Variants in TFAP2D observed in about 807,000 individuals in gnomAD.
TFAP2D encodes the protein transcription factor AP-2-delta.
A neutral mutation model predicts 43.6 loss-of-function variants in TFAP2D; 9 were observed. The ratio of observed to expected loss-of-function variants is 0.21; its 90% confidence interval spans 0.12 to 0.36. The LOEUF is 0.36. Ranked by LOEUF, TFAP2D falls within the 10% of genes least tolerant of loss-of-function variation. The probability of loss-of-function intolerance (pLI) is 1.00; values close to 1 mark genes in which losing one functional copy is unlikely to be tolerated. For synonymous variants in TFAP2D, 256 were observed against 224.9 expected, an observed-to-expected ratio of 1.14 and a Z score of -1.24; for missense variants, 513 against 561.4, an observed-to-expected ratio of 0.91 and a Z score of 0.87.
chr6:50,739,748 A>G (rs1769011218), intron 5 of TFAP2D, among the ~76,000 whole-genome samples: 1 of 152,188 alleles, frequency 6.6e-6, no homozygotes, highest in South Asian at 2.1e-4. Flanking sequence ...GTCATAATTA[A>G]CATACTGTTA....
rs762146507 is a variant in TFAP2D at position 50,715,217 on chromosome 6, T to C, written c.141T>C (p.Thr47=). The C allele has an allele frequency of 3.1e-6, 5 of 1,613,852 alleles. No individual in the cohort carries two copies. The highest frequency in any genetic ancestry group is 4.2e-6 in the Non-Finnish European group (5 of 1,180,000). ...CCTATTCCTCCTCCTCTCCTTTAACTTACTCCACCACCGGCACCGAGTTTG... is the reference window on the plus strand; with the variant it reads ...CCTATTCCTCCTCCTCTCCTTTAACCTACTCCACCACCGGCACCGAGTTTG... ...TVAYSSSSPL[T]YSTTGTEFAS... Residue 47 remains threonine (T), a synonymous_variant, in exon 2 of 8, where the codon ACT becomes ACC. Coordinates refer to ENST00000008391, the MANE Select transcript of TFAP2D (RefSeq NM_172238.4).
chr6:50,729,462 G>C, intron 5 of TFAP2D, 150 bp downstream of exon 5: 3 of 609,762 alleles, frequency 4.9e-6, no homozygotes, highest in African/African-American at 1.8e-5. Flanking sequence ...TCTTGACAAT[G>C]ATGATTAAAT....
intron 7 of TFAP2D, among the ~76,000 whole-genome samples, chr6:50,760,450 T>C (rs886594584): frequency 6.6e-6 from 1 of 151,960 alleles, no homozygotes; most frequent in Non-Finnish European, 1.5e-5. Flanking sequence ...GCTTTGTGAG[T>C]GATTTCTTCT....
chr6:50,740,631 G>T (rs1042678083), intron 5 of TFAP2D, among the ~76,000 whole-genome samples: 4 of 152,108 alleles, frequency 2.6e-5, no homozygotes, highest in South Asian at 2.1e-4. Context: ...TAGAGATGGG[G>T]TTTCACCATC....
chr6:50,750,056 AAT>A, intron 6 of TFAP2D, among the ~76,000 whole-genome samples: 1 of 151,930 alleles, frequency 6.6e-6, no homozygotes, highest in Non-Finnish European at 1.5e-5. Flanking sequence ...GATGGAATTC[AAT>A]AAATTTTAGA....
At chr6:50,731,449 TAC>T (rs35052459) in intron 5 of TFAP2D, among the ~76,000 whole-genome samples, 49,212 of 148,968 alleles carry the variant, frequency 0.33, 8,195 homozygotes, top group East Asian at 0.43. Flanking sequence ...CCCACTTTCA[TAC>T]ACACACACAC....
chr6:50,715,069 C>A (rs752820658), intron 1 of TFAP2D, 47 bp from the exon 2 acceptor site: 1 of 1,581,860 alleles, frequency 6.3e-7, no homozygotes, highest in East Asian at 2.3e-5. Flanking sequence ...TGCAAAATGA[C>A]AAACCTCAAG....
Position 50,714,989 on chromosome 6 carries a change from G to C in TFAP2D, c.40-127G>C, listed in dbSNP as rs1411523772. The C allele has an allele frequency of 3.9e-6, 5 of 1,296,532 alleles. No homozygotes were observed. The African/African-American group carries it at 7.4e-5, about 19-fold the overall frequency. 80.3% of individuals were successfully genotyped at this position (1,296,532 alleles called of 1,614,324 possible). ...CTGAGACCCGGCTTCGGCTCGGCCC[G>C]AGTCCTACGCGCTCGCTTTCCTTGG... is the stretch of plus-strand genomic sequence containing the variant. On this transcript the variant is annotated intron_variant, in intron 1 of 7. Coordinates refer to ENST00000008391, the MANE Select transcript of TFAP2D (RefSeq NM_172238.4).
intron 3 of TFAP2D, 104 bp from the exon 4 acceptor site, chr6:50,728,752 G>A (rs1561933325): frequency 9.7e-6 from 11 of 1,132,262 alleles, no homozygotes; most frequent in South Asian, 2.9e-5. Flanking sequence ...ACAACTGTTA[G>A]CATGTATTCC....
At chr6:50,750,514 G>A (rs1037493531) in intron 6 of TFAP2D, among the ~76,000 whole-genome samples, 1 of 151,918 alleles carries the variant, frequency 6.6e-6, no homozygotes, top group African/African-American at 2.4e-5. Flanking sequence ...CATTTGGAGT[G>A]TACATCACAA....
chr6:50,718,937 G>A (rs1768670428), intron 2 of TFAP2D, among the ~76,000 whole-genome samples, 153 bp from the exon 3 acceptor site: 1 of 152,206 alleles, frequency 6.6e-6, no homozygotes, highest in Non-Finnish European at 1.5e-5. Flanking sequence ...TTAAAAAATT[G>A]TGTTTGCTGG....
At chr6:50,762,573 T>C (rs1411511088) in intron 7 of TFAP2D, among the ~76,000 whole-genome samples, 1 of 152,110 alleles carries the variant, frequency 6.6e-6, no homozygotes, top group Non-Finnish European at 1.5e-5. Flanking sequence ...ACTGAGCCAA[T>C]TTGAGGAGAT....
In TFAP2D at chr6:50,713,860, G is replaced by A; in HGVS notation, c.-196G>A. The A allele has an allele frequency of 1.4e-6, 1 of 727,312 alleles. No homozygotes were observed. The highest frequency in any genetic ancestry group is 1.9e-5 in the South Asian group (1 of 52,562). 45.1% of individuals were successfully genotyped at this position (727,312 alleles called of 1,614,324 possible). On this transcript the variant is annotated 5_prime_UTR_variant, in exon 1 of 8. Coordinates refer to ENST00000008391, the MANE Select transcript of TFAP2D (RefSeq NM_172238.4). ...TGCTTTTGTGCAGAGGGAAAATTTT[G>A]TTCCTACAGGTTTTTAAGTGGGTAC... is the stretch of plus-strand genomic sequence containing the variant.
intron 2 of TFAP2D, among the ~76,000 whole-genome samples, chr6:50,717,502 G>A (rs1244651262): frequency 1.3e-5 from 2 of 152,170 alleles, no homozygotes; most frequent in African/African-American, 4.8e-5. Context: ...TATTTTGAAA[G>A]CTTTTCTTCA....
At chr6:50,735,728 CT>C (rs1338145920) in intron 5 of TFAP2D, among the ~76,000 whole-genome samples, 1 of 152,074 alleles carries the variant, frequency 6.6e-6, no homozygotes, top group Non-Finnish European at 1.5e-5. Context: ...TCCCTTCTAC[CT>C]TTAATCTTGA....
At chr6:50,762,790 G>C (rs1156801505) in intron 7 of TFAP2D, among the ~76,000 whole-genome samples, 2 of 152,004 alleles carry the variant, frequency 1.3e-5, no homozygotes, top group Non-Finnish European at 2.9e-5. Flanking sequence ...GAGCCTTTCT[G>C]CTCCTCAGTG....
chr6:50,769,178 G>A, intron 7 of TFAP2D, among the ~76,000 whole-genome samples: 1 of 152,150 alleles, frequency 6.6e-6, no homozygotes, highest in East Asian at 1.9e-4. Flanking sequence ...ACAGGCATGA[G>A]CCACTGCGCC....
chr6:50,718,515 G>T (rs1179908030), intron 2 of TFAP2D, among the ~76,000 whole-genome samples: 2 of 152,170 alleles, frequency 1.3e-5, no homozygotes, highest in African/African-American at 4.8e-5. Flanking sequence ...TCCAGCTCTA[G>T]GGATTCCTCA....
intron 7 of TFAP2D, among the ~76,000 whole-genome samples, chr6:50,771,172 T>C (rs544716299): frequency 3.9e-5 from 6 of 152,220 alleles, no homozygotes; most frequent in Non-Finnish European, 7.3e-5. Context: ...TAGTTAGTTT[T>C]CGGGACCTAA....
Sources: gnomAD v4.1 joint callset for allele counts (sites outside exome capture counted in the v4.1 genomes callset) on GRCh38, gnomAD v4.1.1 for gene constraint, MANE v1.5 for transcripts, NCBI Gene and HGNC (gene_info 2026-07-23, HGNC 2026-07-21) for gene names.